The following DOCK1 variants were observed in gnomAD, a reference collection of about 807,000 sequenced individuals.
The protein encoded by DOCK1 is dedicator of cytokinesis protein 1.
DOCK1 carries 138 observed loss-of-function variants against 262.7 expected under a neutral mutation model. The observed-to-expected ratio is 0.53, with a 90% CI of 0.46 to 0.61. DOCK1 has a LOEUF of 0.61. Among genes scored for constraint, DOCK1 ranks in the 20% least tolerant of loss-of-function variants. DOCK1 has a pLI of 0.00. For missense variants in DOCK1, 1,908 were observed against 2,370.7 expected, an observed-to-expected ratio of 0.80 and a Z score of 4.05; for synonymous variants, 866 against 867.4, an observed-to-expected ratio of 1.00 and a Z score of 0.03.
At chr10:127,341,035 A>G (rs949943394) in intron 30 of DOCK1, among the ~76,000 whole-genome samples, 2 of 152,102 alleles carry the variant, frequency 1.3e-5, no homozygotes, top group African/African-American at 4.8e-5. Flanking sequence ...AATATTATAT[A>G]CTTCTAAATT....
At chr10:127,262,283 T>C (rs762302032) in intron 29 of DOCK1, among the ~76,000 whole-genome samples, 6 of 152,204 alleles carry the variant, frequency 3.9e-5, no homozygotes, top group South Asian at 4.1e-4. Context: ...GCTGTGTGTG[T>C]GTACCTGTGT....
chr10:127,150,925 C>A (rs898553294), intron 27 of DOCK1, among the ~76,000 whole-genome samples: 3 of 152,210 alleles, frequency 2.0e-5, no homozygotes, highest in Admixed American at 2.0e-4. Context: ...AAGAAAACGT[C>A]TGGGCCTCAC....
At chr10:127,069,993 T>A (rs2046119320) in intron 23 of DOCK1, among the ~76,000 whole-genome samples, 1 of 152,124 alleles carries the variant, frequency 6.6e-6, no homozygotes, top group African/African-American at 2.4e-5. Context: ...AGAGATGATG[T>A]GTTCTGTGCC....
At chr10:127,396,183 G>A (rs59675308) in intron 38 of DOCK1, among the ~76,000 whole-genome samples, 59,735 of 147,560 alleles carry the variant, frequency 0.4, 12,569 homozygotes, top group Middle Eastern at 0.52. Flanking sequence ...GCCAGGTTAC[G>A]GCTGCAGTGA....
At chr10:127,413,546 A>C (rs2067982150) in intron 43 of DOCK1, among the ~76,000 whole-genome samples, 1 of 152,212 alleles carries the variant, frequency 6.6e-6, no homozygotes, top group African/African-American at 2.4e-5. Flanking sequence ...TCATCCCTGC[A>C]GACCTGGCAA....
intron 29 of DOCK1, among the ~76,000 whole-genome samples, chr10:127,328,127 A>T (rs1192139513): frequency 2.6e-5 from 4 of 151,780 alleles, no homozygotes; most frequent in African/African-American, 9.7e-5. Context: ...GGCAAAAAAA[A>T]AAAAAAAAAA....
intron 16 of DOCK1, 44 bp downstream of exon 16, chr10:127,026,468 G>T (rs1229294749): frequency 3.9e-6 from 6 of 1,541,244 alleles, no homozygotes; most frequent in South Asian, 1.2e-5. Flanking sequence ...TTTTAAGGGA[G>T]AACTGGGGGA....
At chr10:127,231,218 G>A (rs1019519988) in intron 27 of DOCK1, among the ~76,000 whole-genome samples, 2 of 148,952 alleles carry the variant, frequency 1.3e-5, no homozygotes, top group Non-Finnish European at 3.0e-5. Context: ...TCTCTTTAGC[G>A]AATGGGTAGA....
chr10:127,080,981 T>A (rs2046867715), intron 23 of DOCK1, among the ~76,000 whole-genome samples: 1 of 152,108 alleles, frequency 6.6e-6, no homozygotes, highest in African/African-American at 2.4e-5. Flanking sequence ...TTAAATGAGG[T>A]TTTGCTTTCT....
At chr10:127,374,037 G>A (rs566936977) in intron 34 of DOCK1, 21 bp from the exon 35 acceptor site, 3 of 1,595,008 alleles carry the variant, frequency 1.9e-6, no homozygotes, top group East Asian at 2.2e-5. Context: ...GATTAACAAG[G>A]TGTGTATAAT....
At chr10:127,153,817 A>G (rs1171103090) in intron 27 of DOCK1, 4 of 1,499,522 alleles carry the variant, frequency 2.7e-6, no homozygotes, top group Non-Finnish European at 3.7e-6. Context: ...TGTCACTCAT[A>G]ATAAGAAAGT....
intron 7 of DOCK1, among the ~76,000 whole-genome samples, chr10:126,997,104 A>C (rs1200417956): frequency 6.6e-6 from 1 of 152,152 alleles, no homozygotes; most frequent in Non-Finnish European, 1.5e-5. Flanking sequence ...TCATCGTAGG[A>C]GACAGGATCC....
chr10:126,935,545 A>G (rs954792865), intron 1 of DOCK1, among the ~76,000 whole-genome samples: 4 of 152,192 alleles, frequency 2.6e-5, no homozygotes, highest in Non-Finnish European at 5.9e-5. Flanking sequence ...GAGCTGTCAG[A>G]GAGTGATGAT....
intron 27 of DOCK1, among the ~76,000 whole-genome samples, chr10:127,179,648 G>A (rs1179438183): frequency 1.3e-5 from 2 of 152,004 alleles, no homozygotes; most frequent in East Asian, 3.9e-4. Context: ...GGGGGTGGAG[G>A]GTAAGGCTTA....
chr10:127,190,549 A>G (rs909568067), intron 27 of DOCK1, among the ~76,000 whole-genome samples: 14 of 95,684 alleles, frequency 1.5e-4, no homozygotes, highest in Non-Finnish European at 2.9e-4. Context: ...ATTTCCTCCT[A>G]TTTCAAAGTA....
chr10:127,110,868 T>G (rs2048824365), intron 25 of DOCK1, among the ~76,000 whole-genome samples: 1 of 152,218 alleles, frequency 6.6e-6, no homozygotes, highest in Non-Finnish European at 1.5e-5. Flanking sequence ...CTGCCCTTTT[T>G]AGTAATCATT....
chr10:127,299,351 G>T (rs1487277816), intron 29 of DOCK1, among the ~76,000 whole-genome samples: 3 of 152,212 alleles, frequency 2.0e-5, no homozygotes, highest in Non-Finnish European at 4.4e-5. Context: ...TGATCCACCT[G>T]CCTCGGCCCT....
At position 127,362,113 on chromosome 10, in the gene DOCK1, A is replaced by G. The variant is rs2064492810; in HGVS notation, c.3333A>G (p.Glu1111=). 6.2e-7 allele frequency: 1 copy of G among 1,613,714 alleles called. No individual in the cohort carries two copies. Among genetic ancestry groups the G allele is most frequent in the Admixed American group, 1.7e-5 (1 of 59,982 alleles). The part of the protein sequence containing the change: ...FIPEMVGPIL[E]MTLIPETELR... The stretch of plus-strand genomic sequence containing the variant: ...CAGAAATGGTGGGCCCAATATTAGA[A>G]ATGACATTAATTCCCGAGACGGAGC... The change falls in exon 33 of 52, where the codon GAA becomes GAG. Residue 1111 remains glutamate, a synonymous_variant. Coordinates refer to ENST00000623213, the MANE Select transcript of DOCK1 (RefSeq NM_001290223.2).
chr10:127,366,805 A>G (rs2064943626), intron 33 of DOCK1, among the ~76,000 whole-genome samples: 1 of 152,214 alleles, frequency 6.6e-6, no homozygotes, highest in Admixed American at 6.5e-5. Flanking sequence ...CCATAAGCCC[A>G]GTTACCTCAC....
Sources: allele counts gnomAD v4.1 joint callset (sites outside exome capture counted in the v4.1 genomes callset), GRCh38; gene constraint gnomAD v4.1.1; transcripts MANE v1.5; gene names NCBI Gene and HGNC (gene_info 2026-07-23, HGNC 2026-07-21).